The following GRAMD1B variants were observed in gnomAD, a reference collection of about 807,000 sequenced individuals.
The protein encoded by GRAMD1B is GRAM domain containing 1B.
Under a neutral mutation model 99.7 loss-of-function variants are expected in GRAMD1B, and 37 were observed. That is an observed-to-expected ratio of 0.37 (90% CI 0.29 to 0.49). The LOEUF (loss-of-function observed/expected upper bound fraction) is 0.49, where lower values mean the gene tolerates loss of function less well. Among genes scored for constraint, GRAMD1B ranks in the 20% least tolerant of loss-of-function variants. The pLI is 0.98. For synonymous variants in GRAMD1B, 427 were observed against 387.6 expected (o/e 1.10, Z -1.19); for missense variants, 888 against 1,009.2 (o/e 0.88, Z 1.63).
chr11:123,485,309 A>C (rs540369845), intron 2 of GRAMD1B, among the ~76,000 whole-genome samples: 1 of 152,366 alleles, frequency 6.6e-6, no homozygotes, highest in East Asian at 1.9e-4. Context: ...AGCTGGTTTA[A>C]TAAAACATTT....
At chr11:123,548,692 T>G (rs1033177516) in intron 2 of GRAMD1B, among the ~76,000 whole-genome samples, 11 of 152,106 alleles carry the variant, frequency 7.2e-5, no homozygotes, top group African/African-American at 1.2e-4. Flanking sequence ...ACTGCAGCTG[T>G]GAACTCCTGA....
intron 2 of GRAMD1B, among the ~76,000 whole-genome samples, chr11:123,564,515 C>T (rs1419550637): frequency 2.0e-5 from 3 of 152,348 alleles, no homozygotes; most frequent in African/African-American, 7.2e-5. Flanking sequence ...GGCTATTCCT[C>T]AGTTTCCTGA....
chr11:123,421,038 G>C (rs1370393060), intron 1 of GRAMD1B, among the ~76,000 whole-genome samples: 1 of 152,172 alleles, frequency 6.6e-6, no homozygotes, highest in Non-Finnish European at 1.5e-5. Flanking sequence ...TAAAGTGAAA[G>C]GGCAAGACCA....
chr11:123,436,941 C>T (rs146442073), intron 1 of GRAMD1B, among the ~76,000 whole-genome samples: 3,004 of 152,230 alleles, frequency 0.02, 62 homozygotes, highest in Admixed American at 0.035. Flanking sequence ...GTGTGATGTT[C>T]CCCTTCCTGT....
At chr11:123,513,506 CTT>C (rs1013578617) in intron 2 of GRAMD1B, among the ~76,000 whole-genome samples, 2 of 148,768 alleles carry the variant, frequency 1.3e-5, no homozygotes, top group African/African-American at 2.6e-5. Flanking sequence ...CTCCCTCTCT[CTT>C]TCTTTCTTTC....
intron 2 of GRAMD1B, among the ~76,000 whole-genome samples, chr11:123,540,864 A>G (rs1019452780): frequency 6.6e-6 from 1 of 152,236 alleles, no homozygotes; most frequent in Non-Finnish European, 1.5e-5. Context: ...ATAGCATCAC[A>G]AACATGCATC....
intron 2 of GRAMD1B, among the ~76,000 whole-genome samples, chr11:123,542,738 C>T (rs894121457): frequency 6.6e-6 from 1 of 152,090 alleles, no homozygotes; most frequent in Non-Finnish European, 1.5e-5. Context: ...TTGCAACCTC[C>T]GCCTCCTGGG....
At chr11:123,530,362 C>T (rs3016474) in intron 2 of GRAMD1B, among the ~76,000 whole-genome samples, 142,280 of 152,280 alleles carry the variant, frequency 0.93, 66,507 homozygotes, top group East Asian at 1. Flanking sequence ...ATTATCTATT[C>T]CTCTAGATTT....
rs868361819 is a variant in GRAMD1B, at chr11:123,525,925, G to T, written c.452+45032G>T. ...GCTGGATTTGCAGAATCTGTCCTTT[G>T]CCTCCAAGCCCAGCTTTCAGCTGGG... On this transcript the variant is annotated intron_variant, in intron 2 of 19. Transcript: ENST00000635736. 3 of 573,590 alleles carry T rather than the reference G, an allele frequency of 5.2e-6. No homozygotes were observed. In the Middle Eastern group the frequency reaches 1.2e-3, roughly 228 times the overall value. 35.5% of individuals were successfully genotyped at this position (573,590 alleles called of 1,614,324 possible).
chr11:123,618,983 G>C lies in GRAMD1B; in HGVS notation c.2427-124G>C, dbSNP rs558429350. 4 of 686,924 alleles carry C rather than the reference G, an allele frequency of 5.8e-6. No homozygotes were observed. In the East Asian group the frequency reaches 8.1e-5, roughly 14 times the overall value. 42.6% of individuals were successfully genotyped at this position (686,924 alleles called of 1,614,324 possible). The stretch of plus-strand genomic sequence containing the variant: ...TTCTGATCTGGGGCACAGGGGAACC[G>C]GGGGCAGTGAGCAGAGGACAAAGCA... On this transcript the variant is annotated intron_variant, in intron 18 of 19. Transcript: ENST00000635736.
At chr11:123,513,593 C>CT (rs1941319347) in intron 2 of GRAMD1B, among the ~76,000 whole-genome samples, 4 of 54,948 alleles carry the variant, frequency 7.3e-5, no homozygotes, top group African/African-American at 2.8e-4. Context: ...TTCCTTCCTT[C>CT]CTTCCTTCCT....
intron 1 of GRAMD1B, among the ~76,000 whole-genome samples, chr11:123,411,537 G>T (rs987850100): frequency 2.6e-5 from 4 of 152,116 alleles, no homozygotes; most frequent in Non-Finnish European, 4.4e-5. Context: ...TAGCAGTTGT[G>T]GGCTTGGTAT....
intron 1 of GRAMD1B, chr11:123,459,650 G>A (rs1334016701): frequency 6.6e-6 from 1 of 152,068 alleles, no homozygotes; most frequent in Non-Finnish European, 1.5e-5. Flanking sequence ...ACTTTTAAGT[G>A]AGATAGTGTG....
rs935362339 is a variant in GRAMD1B, at chr11:123,610,748, T to C, written c.1919+410T>C. Among the ~76,000 whole-genome samples the C allele has an allele frequency of 6.6e-6, 1 of 152,052 alleles. No homozygotes were observed. Among genetic ancestry groups the C allele is most frequent in the Non-Finnish European group, 1.5e-5 (1 of 68,026 alleles). ...AAGCACTGAAACCCAGATCTTAGAG[T>C]TGTAAACCTGTGCTCTGTCCACCAT... On this transcript the variant is annotated intron_variant, in intron 14 of 19. Coordinates refer to ENST00000635736, the MANE Select transcript of GRAMD1B (RefSeq NM_001387025.1). This position sits in a 1 kb window ranked among gnomAD's most constrained non-coding sequence, Gnocchi z 4.1.
chr11:123,384,792 G>A (rs1329462469), intron 1 of GRAMD1B, among the ~76,000 whole-genome samples: 1 of 152,106 alleles, frequency 6.6e-6, no homozygotes, highest in Non-Finnish European at 1.5e-5. Flanking sequence ...TAGATCATGG[G>A]TCAGAAAACT....
chr11:123,547,964 GT>G (rs1945180968), intron 2 of GRAMD1B, among the ~76,000 whole-genome samples: 1 of 152,098 alleles, frequency 6.6e-6, no homozygotes, highest in Non-Finnish European at 1.5e-5. Context: ...TAGAGGACAG[GT>G]CCTTGCCAAG....
At chr11:123,402,356 T>C (rs949748169) in intron 1 of GRAMD1B, among the ~76,000 whole-genome samples, 44 of 152,216 alleles carry the variant, frequency 2.9e-4, no homozygotes, top group African/African-American at 8.7e-4. Context: ...GGTTTATGTC[T>C]GATTAGGGGT....
At chr11:123,419,038 G>A (rs553641054) in intron 1 of GRAMD1B, among the ~76,000 whole-genome samples, 20 of 152,342 alleles carry the variant, frequency 1.3e-4, no homozygotes, top group Non-Finnish European at 2.4e-4. Context: ...GGAAAGAGAC[G>A]TGGGTAAACT....
intron 4 of GRAMD1B, among the ~76,000 whole-genome samples, chr11:123,590,555 T>G (rs546087252): frequency 6.6e-6 from 1 of 152,216 alleles, no homozygotes; most frequent in Non-Finnish European, 1.5e-5. Flanking sequence ...ACTTGAAGCA[T>G]GTGTAGGGCC....
Sources: gnomAD v4.1 joint callset for allele counts (sites outside exome capture counted in the v4.1 genomes callset) on GRCh38, gnomAD v4.1.1 for gene constraint, Gnocchi (gnomAD v3.1) non-coding constraint, MANE v1.5 for transcripts, NCBI Gene and HGNC (gene_info 2026-07-23, HGNC 2026-07-21) for gene names.